IRAK1BP1: variants seen among roughly 807,000 people sequenced by gnomAD.
IRAK1BP1 encodes interleukin 1 receptor associated kinase 1 binding protein 1.
Under a neutral mutation model 28.0 loss-of-function variants are expected in IRAK1BP1, and 24 were observed. The ratio of observed to expected loss-of-function variants is 0.86; its 90% confidence interval spans 0.62 to 1.20. IRAK1BP1 has a LOEUF of 1.20. IRAK1BP1 is among the 50% of genes most tolerant of loss of function. The pLI, the probability that IRAK1BP1 is intolerant of heterozygous loss-of-function variation, is 0.00. For synonymous variants in IRAK1BP1, 131 were observed against 116.3 expected (o/e 1.13, Z -0.81); for missense variants, 336 against 316.7 (o/e 1.06, Z -0.46).
chr6:78,964,346 C>A, the IRAK1BP1 span, among the ~76,000 whole-genome samples: 1 of 152,206 alleles, frequency 6.6e-6, no homozygotes, highest in Non-Finnish European at 1.5e-5. Context: ...TTATTTTCTC[C>A]AACAGTTATT....
At chr6:78,954,823 AAGG>A in the IRAK1BP1 span, 2 of 1,579,196 alleles carry the variant, frequency 1.3e-6, no homozygotes, top group Non-Finnish European at 8.6e-7. Flanking sequence ...CTGGATATTC[AAGG>A]AGATCTACCG....
chr6:78,916,562 C>T (rs1254955543), intron 4 of IRAK1BP1, among the ~76,000 whole-genome samples: 1 of 152,106 alleles, frequency 6.6e-6, no homozygotes, highest in Non-Finnish European at 1.5e-5. Flanking sequence ...ATGAGCTACT[C>T]CATGTAAAGA....
intron 4 of IRAK1BP1, chr6:78,940,821 CATT>C: frequency 6.2e-7 from 1 of 1,614,000 alleles, no homozygotes; most frequent in Non-Finnish European, 8.5e-7. Context: ...GAGTCATCCT[CATT>C]ATAGAAAGCT....
chr6:78,912,439 T>C (rs1772451957), intron 4 of IRAK1BP1, among the ~76,000 whole-genome samples: 1 of 152,206 alleles, frequency 6.6e-6, no homozygotes, highest in Non-Finnish European at 1.5e-5. Context: ...TCTGGAATAT[T>C]ATTCCTGGTG....
chr6:78,905,362 C>A (rs938157547), downstream of IRAK1BP1, among the ~76,000 whole-genome samples: 1 of 152,140 alleles, frequency 6.6e-6, no homozygotes, highest in African/African-American at 2.4e-5. Flanking sequence ...CAGATTTCAG[C>A]CCTCAGTTGA....
At chr6:78,870,246 CAA>C (rs576297060) in intron 1 of IRAK1BP1, among the ~76,000 whole-genome samples, 1 of 137,594 alleles carries the variant, frequency 7.3e-6, no homozygotes. Context: ...GACACTGTCT[CAA>C]AAAAAAAAAG....
At chr6:78,869,719 T>C (rs1770723196) in intron 1 of IRAK1BP1, among the ~76,000 whole-genome samples, 1 of 152,206 alleles carries the variant, frequency 6.6e-6, no homozygotes, top group Non-Finnish European at 1.5e-5. Context: ...ACAAAGTCTG[T>C]ATTCATTTTA....
At chr6:78,969,560 T>C in the IRAK1BP1 span, among the ~76,000 whole-genome samples, 1 of 152,188 alleles carries the variant, frequency 6.6e-6, no homozygotes, top group Non-Finnish European at 1.5e-5. Flanking sequence ...TTGTTATTAA[T>C]ATTTTTATAC....
chr6:78,885,873 C>G (rs900323043), intron 2 of IRAK1BP1, among the ~76,000 whole-genome samples: 9 of 152,206 alleles, frequency 5.9e-5, no homozygotes, highest in African/African-American at 2.2e-4. Context: ...AACCTTTATA[C>G]AAATTAAAAA....
At chr6:78,931,607 TTA>T (rs1365906412) in intron 4 of IRAK1BP1, among the ~76,000 whole-genome samples, 3 of 152,148 alleles carry the variant, frequency 2.0e-5, no homozygotes, top group African/African-American at 7.2e-5. Flanking sequence ...GCATATAAAA[TTA>T]TGTTTGTACC....
the IRAK1BP1 span, chr6:78,969,796 C>A: frequency 1.7e-5 from 16 of 942,400 alleles, no homozygotes; most frequent in Middle Eastern, 4.4e-4. Context: ...GAAAAAAAAA[C>A]CACATCAAAC....
chr6:78,870,719 T>G (rs1354325366), intron 1 of IRAK1BP1, among the ~76,000 whole-genome samples: 1 of 150,970 alleles, frequency 6.6e-6, no homozygotes, highest in African/African-American at 2.4e-5. Flanking sequence ...TTGGTTTTTG[T>G]TTTTTTTTGA....
intron 2 of IRAK1BP1, among the ~76,000 whole-genome samples, chr6:78,888,145 A>G (rs947671642): frequency 6.6e-6 from 1 of 152,192 alleles, no homozygotes; most frequent in African/African-American, 2.4e-5. Flanking sequence ...GGAGTCTAAA[A>G]TAATCATATC....
chr6:78,917,269 T>A (rs1772584497), intron 4 of IRAK1BP1, among the ~76,000 whole-genome samples: 1 of 151,252 alleles, frequency 6.6e-6, no homozygotes, highest in African/African-American at 2.4e-5. Context: ...TTAAGAAATT[T>A]CAAAATACAA....
the IRAK1BP1 span, among the ~76,000 whole-genome samples, chr6:78,978,005 A>C: frequency 1.6e-3 from 243 of 152,280 alleles, no homozygotes; most frequent in African/African-American, 5.5e-3. Flanking sequence ...ATTTGTGTAC[A>C]AAACAAGGAG....
chr6:78,932,722 A>C (rs1238857531), intron 4 of IRAK1BP1, among the ~76,000 whole-genome samples: 1 of 151,870 alleles, frequency 6.6e-6, no homozygotes, highest in Non-Finnish European at 1.5e-5. Flanking sequence ...CTTGGCCTAC[A>C]ACATGTATTT....
the IRAK1BP1 span, chr6:78,963,270 A>C: frequency 6.3e-7 from 1 of 1,585,978 alleles, no homozygotes; most frequent in Non-Finnish European, 8.6e-7. Flanking sequence ...AGAAAAGCAG[A>C]TCATTGCAAA....
chr6:78,963,386 A>C, the IRAK1BP1 span: 3 of 596,124 alleles, frequency 5.0e-6, no homozygotes, highest in East Asian at 1.0e-4. Context: ...CTTTATTTTA[A>C]CAAAGGAAAG....
At position 78,945,424 on chromosome 6, in the gene IRAK1BP1, A is replaced by G. The variant is rs781748135; in HGVS notation, c.*84A>G. On this transcript the variant is annotated 3_prime_UTR_variant and NMD_transcript_variant, in exon 5 of 5. Transcript: ENST00000606868. ...CTTTTGCAGAATTATTCCTAGTGCCATGACTAAAACTGGATTGACCAGGAC... is the reference window on the plus strand; with the variant it reads ...CTTTTGCAGAATTATTCCTAGTGCCGTGACTAAAACTGGATTGACCAGGAC... 41 of 1,611,752 alleles carry G rather than the reference A, an allele frequency of 2.5e-5. No individual in the cohort carries two copies. In the South Asian group the frequency reaches 4.3e-4, roughly 17 times the overall value.
Sources: allele counts gnomAD v4.1 joint callset (sites outside exome capture counted in the v4.1 genomes callset), GRCh38; gene constraint gnomAD v4.1.1; transcripts MANE v1.5; gene names NCBI Gene and HGNC (gene_info 2026-07-23, HGNC 2026-07-21).